Variants in CADM2 observed in about 807,000 individuals in gnomAD.
The protein encoded by CADM2 is immunoglobulin superfamily member 4D.
A neutral mutation model predicts 49.8 loss-of-function variants in CADM2; 12 were observed. The ratio of observed to expected loss-of-function variants is 0.24; its 90% CI spans 0.15 to 0.39. The LOEUF (loss-of-function observed/expected upper bound fraction) is 0.39, where lower values mean the gene tolerates loss of function less well. Among genes scored for constraint, CADM2 ranks in the 10% least tolerant of loss-of-function variants. The pLI, the probability that CADM2 is intolerant of heterozygous loss-of-function variation, is 1.00. For synonymous variants in CADM2, 214 were observed against 175.4 expected, an observed-to-expected ratio of 1.22 and a Z score of -1.74; for missense variants, 378 against 492.3, an observed-to-expected ratio of 0.77 and a Z score of 2.20.
In CADM2 at chr3:86,071,302, A is replaced by G. The variant is rs889046479; in HGVS notation, c.*4519A>G. The G allele has an allele frequency of 2.0e-5, 3 of 151,894 alleles. No individual in the cohort carries two copies. The highest frequency in any genetic ancestry group is 2.9e-5 in the Non-Finnish European group (2 of 67,822). 9.4% of individuals were successfully genotyped at this position (151,894 alleles called of 1,614,324 possible). A position where few individuals can be genotyped will look rare whatever the true frequency, so the allele number is the denominator to read the frequency against. On this transcript the variant is annotated 3_prime_UTR_variant, in exon 10 of 10. Transcript: ENST00000383699. ...ACTATATCTTAATGGGAATTTTAAA[A>G]TATCTTTTCTTTTTCTATTCATTTT...
At chr3:85,548,543 T>C (rs2875908) in intron 1 of CADM2, among the ~76,000 whole-genome samples, 77,628 of 151,648 alleles carry the variant, frequency 0.51, 22,948 homozygotes, top group East Asian at 0.85. Flanking sequence ...ATGTATTAAA[T>C]AATCAGAATA....
intron 1 of CADM2, among the ~76,000 whole-genome samples, chr3:85,494,013 G>A (rs1163797811): frequency 6.6e-6 from 1 of 152,096 alleles, no homozygotes; most frequent in Non-Finnish European, 1.5e-5. Flanking sequence ...GAAATGCCAC[G>A]AGTTATAAGT....
chr3:85,530,590 A>AGG (rs2061283666), intron 1 of CADM2, among the ~76,000 whole-genome samples: 1 of 151,870 alleles, frequency 6.6e-6, no homozygotes. Flanking sequence ...TGGCCTCCCA[A>AGG]AGTGCTGGGA....
chr3:85,061,818 T>A (rs938189031), intron 1 of CADM2, among the ~76,000 whole-genome samples: 2 of 152,282 alleles, frequency 1.3e-5, no homozygotes, highest in East Asian at 1.9e-4. Context: ...TATACACATA[T>A]ACTTTTTATT....
At chr3:85,371,614 C>T (rs1383454263) in intron 1 of CADM2, among the ~76,000 whole-genome samples, 1 of 43,930 alleles carries the variant, frequency 2.3e-5, no homozygotes, top group Non-Finnish European at 5.2e-5. Flanking sequence ...TTAAGCCACA[C>T]ATCACTGTGT....
chr3:85,967,417 A>G (rs2108631518), intron 8 of CADM2, among the ~76,000 whole-genome samples: 1 of 151,800 alleles, frequency 6.6e-6, no homozygotes, highest in South Asian at 2.1e-4. Flanking sequence ...ACTTGACCCT[A>G]AATTTAGCAA....
intron 3 of CADM2, among the ~76,000 whole-genome samples, chr3:85,854,279 G>A (rs982114321): frequency 6.6e-6 from 1 of 152,016 alleles, no homozygotes; most frequent in South Asian, 2.1e-4. Context: ...CCACTACTGG[G>A]TATATACCCA....
At chr3:85,900,762 A>C (rs1054338348) in intron 5 of CADM2, among the ~76,000 whole-genome samples, 1 of 152,170 alleles carries the variant, frequency 6.6e-6, no homozygotes, top group African/African-American at 2.4e-5. Flanking sequence ...CCGGTGATGG[A>C]GGGACTTAAT....
chr3:85,565,122 A>G (rs17023019), intron 1 of CADM2, among the ~76,000 whole-genome samples: 90,181 of 151,848 alleles, frequency 0.59, 28,286 homozygotes, highest in East Asian at 0.93. Context: ...CATACCTCAT[A>G]GAGTTTTTCT....
chr3:85,347,342 C>T (rs1294227814), intron 1 of CADM2, among the ~76,000 whole-genome samples: 3 of 146,232 alleles, frequency 2.1e-5, no homozygotes, highest in African/African-American at 7.6e-5. Flanking sequence ...TGAAGTGAAG[C>T]AAAATCAAAT....
chr3:85,421,382 T>C (rs1473495993), intron 1 of CADM2, among the ~76,000 whole-genome samples: 1 of 152,170 alleles, frequency 6.6e-6, no homozygotes, highest in Non-Finnish European at 1.5e-5. Flanking sequence ...TATTTAGGAA[T>C]GAATTTAAAT....
rs879538205 is a variant in CADM2 at position 85,844,584 on chromosome 3, TACTC to T, written c.239-38705_239-38702del. Among the ~76,000 whole-genome samples, 13 of 152,252 alleles carry T rather than the reference TACTC, an allele frequency of 8.5e-5. 1 individual carries two copies. In the South Asian group the frequency reaches 2.1e-3, roughly 24 times the overall value. On this transcript the variant is annotated intron_variant, in intron 3 of 9. Transcript: ENST00000383699. ...TAAGTGCAACACTTTCTGAAGTAAA[TACTC>T]AGTTCATCAGTGATTAAGATCATTT...
intron 2 of CADM2, among the ~76,000 whole-genome samples, chr3:85,768,470 T>TA (rs11456585): frequency 0.094 from 13,525 of 143,582 alleles, 1,915 homozygotes; most frequent in African/African-American, 0.31. Context: ...AATAAATAAA[T>TA]AATAAATAAA....
At chr3:85,441,505 T>A (rs576660881) in intron 1 of CADM2, among the ~76,000 whole-genome samples, 1 of 152,250 alleles carries the variant, frequency 6.6e-6, no homozygotes, top group South Asian at 2.1e-4. Context: ...TCTACCATAT[T>A]TAATTTTCCT....
At chr3:85,778,165 A>G (rs570528182) in intron 2 of CADM2, among the ~76,000 whole-genome samples, 27 of 152,262 alleles carry the variant, frequency 1.8e-4, no homozygotes, top group Admixed American at 7.9e-4. Context: ...TAGTCTGTTT[A>G]TATTATTTTG....
At chr3:85,984,444 T>A (rs1195181286) in intron 8 of CADM2, among the ~76,000 whole-genome samples, 3 of 151,702 alleles carry the variant, frequency 2.0e-5, no homozygotes, top group Non-Finnish European at 4.4e-5. Flanking sequence ...GATGTTAACT[T>A]ATTTCAAATT....
rs34883542 is a variant in CADM2 at position 85,641,770 on chromosome 3, C to CAAA, written c.62-84742_62-84740dup. 1.3e-3 allele frequency among the ~76,000 whole-genome samples: 182 copies of CAAA among 144,784 alleles called. No individual in the cohort carries two copies. In the Middle Eastern group the frequency reaches 0.014, roughly 11 times the overall value. The allele number at this position is 144,784 out of a possible 152,430, so 95.0% of individuals were successfully genotyped here. ...TGAAACCCCGTCTTTACTAAAAATA[C>CAAA]AAAAAAAAAAAATAGCCAGGTGTGG... is the stretch of plus-strand genomic sequence containing the variant. On this transcript the variant is annotated intron_variant, in intron 1 of 9. Coordinates refer to ENST00000383699, the MANE Select transcript of CADM2 (RefSeq NM_001167675.2).
At chr3:85,470,529 G>C (rs2038721193) in intron 1 of CADM2, among the ~76,000 whole-genome samples, 1 of 152,164 alleles carries the variant, frequency 6.6e-6, no homozygotes. Context: ...AGTCTGAAAT[G>C]AAAACTATAT....
chr3:85,171,871 A>C (rs1015544204), intron 1 of CADM2, among the ~76,000 whole-genome samples: 6 of 152,166 alleles, frequency 3.9e-5, no homozygotes, highest in African/African-American at 1.2e-4. Context: ...GCTTATATAC[A>C]TTATATACTG....
Sources: gnomAD v4.1 joint callset for allele counts (sites outside exome capture counted in the v4.1 genomes callset) on GRCh38, gnomAD v4.1.1 for gene constraint, MANE v1.5 for transcripts, NCBI Gene and HGNC (gene_info 2026-07-23, HGNC 2026-07-21) for gene names.